RASAL3: variants seen among roughly 807,000 people sequenced by gnomAD.
RASAL3 encodes RAS protein activator like 3.
RASAL3 carries 74 observed loss-of-function variants against 105.5 expected under a neutral mutation model. The observed-to-expected ratio is 0.70, with a 90% CI of 0.58 to 0.85. RASAL3 has a LOEUF of 0.85. Ranked by LOEUF, RASAL3 falls within the 40% of genes least tolerant of loss-of-function variation. The pLI is 0.00. For synonymous variants in RASAL3, 579 were observed against 591.6 expected (o/e 0.98, Z 0.31); for missense variants, 1,352 against 1,392.0 (o/e 0.97, Z 0.46).
At chr19:15,458,472 A>G (rs757145296) in intron 7 of RASAL3, 46 bp from the exon 8 acceptor site, 6 of 1,613,622 alleles carry the variant, frequency 3.7e-6, no homozygotes, top group Non-Finnish European at 5.1e-6. Context: ...CCAAGGGTGA[A>G]GCCAAAGGGT....
At position 15,457,437 on chromosome 19, in the gene RASAL3, G is replaced by A; in HGVS notation, c.1286C>T (p.Ser429Phe). The A allele has an allele frequency of 1.4e-6, 2 of 1,427,308 alleles. No homozygotes were observed. Among genetic ancestry groups the A allele is most frequent in the East Asian group, 3.4e-5 (1 of 29,800 alleles). The allele number at this position is 1,427,308 out of a possible 1,614,324, so 88.4% of individuals were successfully genotyped here. A position where few individuals can be genotyped will look rare whatever the true frequency, so the allele number is the denominator to read the frequency against. Residue 429 changes from serine (S) to phenylalanine (F), a missense_variant, in exon 9 of 18, where the codon TCC becomes TTC. Ser to Phe is a radical substitution (Grantham distance 155). Around this residue, in one of 3 missense-constraint regions of RASAL3, gnomAD observed 920 missense variants for 919.6 expected, o/e 1.00. Transcript: ENST00000343625. The surrounding 1 kb of genome is among the most constrained non-coding windows in gnomAD (Gnocchi z 8.6). ...CTCCGCCAGCTCCTTGTAGCGCTCG[G>A]ACGGCAGCACGCGCAGGCGACGCGC... ...IRARRLRVLP[S>F]ERYKELAEFL... is the part of the protein sequence containing the mutation.
At chr19:15,461,709 C>A in intron 2 of RASAL3, 102 bp from the exon 3 acceptor site, 1 of 1,401,744 alleles carries the variant, frequency 7.1e-7, no homozygotes, top group Non-Finnish European at 9.3e-7. Context: ...CTCCTAGGTG[C>A]CCCCCACCCC....
chr19:15,455,041 C>G (rs918664793), intron 11 of RASAL3, 148 bp from the exon 12 acceptor site: 7 of 639,806 alleles, frequency 1.1e-5, no homozygotes, highest in Non-Finnish European at 1.3e-5. Flanking sequence ...GCTTCCTTCT[C>G]ACTGAACCTG....
chr19:15,452,205 A>C, intron 16 of RASAL3, 97 bp from the exon 17 acceptor site: 4 of 1,239,354 alleles, frequency 3.2e-6, no homozygotes, highest in Non-Finnish European at 4.7e-6. Flanking sequence ...CGGAGCTTGG[A>C]GTGGAGGCGG....
In RASAL3 at chr19:15,457,941, G is replaced by A. The variant is rs909537803; in HGVS notation, c.889-107C>T. ...TCAAACCTGTTGCGTCGGGTCCCTAGGGAGATTGCTGGGCCTTTGGGGAAA... is the reference window on the plus strand; with the variant it reads ...TCAAACCTGTTGCGTCGGGTCCCTAAGGAGATTGCTGGGCCTTTGGGGAAA... On this transcript the variant is annotated intron_variant, in intron 8 of 17. Coordinates refer to ENST00000343625, the MANE Select transcript of RASAL3 (RefSeq NM_022904.3). The surrounding 1 kb of genome is among the most constrained non-coding windows in gnomAD (Gnocchi z 8.6). The A allele has an allele frequency of 3.3e-5, 43 of 1,309,808 alleles. No homozygotes were observed. In the South Asian group the frequency reaches 5.2e-4, roughly 16 times the overall value. The allele number at this position is 1,309,808 out of a possible 1,614,324, so 81.1% of individuals were successfully genotyped here.
rs768635872 is a variant in RASAL3 at position 15,454,481 on chromosome 19, G to A, written c.2040C>T (p.Asp680=). The change falls in exon 13 of 18, where the codon GAC becomes GAT. Residue 680 remains aspartate, a synonymous_variant. Transcript: ENST00000343625. ...CATCCACATCCACCATGGCTACCTG[G>A]TCCAGGAAGCATTGCATGGCTGGTC... ...EHGPAMQCFL[D]QVAMVDVDAA... is the part of the protein sequence containing the mutation. 1.9e-6 allele frequency: 3 copies of A among 1,613,992 alleles called. No individual in the cohort carries two copies. Among genetic ancestry groups the A allele is most frequent in the Non-Finnish European group, 2.5e-6 (3 of 1,179,878 alleles).
intron 5 of RASAL3, among the ~76,000 whole-genome samples, chr19:15,460,790 C>A (rs1472186152): frequency 1.3e-5 from 2 of 152,124 alleles, no homozygotes; most frequent in African/African-American, 4.8e-5. Context: ...GAACTCCTGG[C>A]CTCAAGCAGT....
At position 15,464,142 on chromosome 19, in the gene RASAL3, C is replaced by T; in HGVS notation, c.217G>A (p.Ala73Thr). The T allele has an allele frequency of 1.2e-6, 2 of 1,613,576 alleles. No individual in the cohort carries two copies. Among genetic ancestry groups the T allele is most frequent in the Non-Finnish European group, 1.7e-6 (2 of 1,179,832 alleles). Residue 73 changes from alanine (A) to threonine (T), a missense_variant, in exon 2 of 18, where the codon GCG becomes ACG. This residue lies in a region of RASAL3 where 344 missense variants were observed against 339.6 expected (regional missense o/e 1.01). Coordinates refer to ENST00000343625, the MANE Select transcript of RASAL3 (RefSeq NM_022904.3). ...PRSIFRRVLS[A>T]PPKESRTSRL... Reference sequence around the variant, plus strand: ...CTGGTCCGTGACTCCTTGGGAGGCGCAGATAGGACCCGACGGAATATCGAG... The same window carrying T: ...CTGGTCCGTGACTCCTTGGGAGGCGTAGATAGGACCCGACGGAATATCGAG...
Position 15,459,239 on chromosome 19 carries a change from C to CTATTTATT in RASAL3, c.663-592_663-585dup, listed in dbSNP as rs34335057. Among the ~76,000 whole-genome samples, 1,222 of 144,636 alleles carry CTATTTATT rather than the reference C, an allele frequency of 8.4e-3. 9 individuals are homozygous for CTATTTATT. Among genetic ancestry groups the CTATTTATT allele is most frequent in the Non-Finnish European group, 0.012 (794 of 66,622 alleles). The allele number at this position is 144,636 out of a possible 152,430, so 94.9% of individuals were successfully genotyped here. Reference sequence around the variant, plus strand: ...CAGGTGTGAGCCACCGTGCCCAGCCCTATTTATTTATTTATTTATTTATTG... The same window carrying CTATTTATT: ...CAGGTGTGAGCCACCGTGCCCAGCCCTATTTATTTATTTATTTATTTATTTATTTATTG... On this transcript the variant is annotated intron_variant, in intron 6 of 17. Coordinates refer to ENST00000343625, the MANE Select transcript of RASAL3 (RefSeq NM_022904.3).
At chr19:15,463,097 T>C (rs1456266745) in intron 2 of RASAL3, among the ~76,000 whole-genome samples, 1 of 150,820 alleles carries the variant, frequency 6.6e-6, no homozygotes, top group African/African-American at 2.4e-5. Context: ...TTTTTTTTTC[T>C]TCCATTGAGA....
Position 15,456,682 on chromosome 19 carries a change from A to C in RASAL3, c.1432-36T>G. 6.2e-7 allele frequency: 1 copy of C among 1,601,512 alleles called. No homozygotes were observed. The highest frequency in any genetic ancestry group is 8.5e-7 in the Non-Finnish European group (1 of 1,176,504). On this transcript the variant is annotated intron_variant, in intron 9 of 17. Transcript: ENST00000343625. This position sits in a 1 kb window ranked among gnomAD's most constrained non-coding sequence, Gnocchi z 4.4. ...CAGGAGGTCAGGTTGCACCAGATGC[A>C]GACAGAGTCCAAGGGAATTCGGATC...
Position 15,454,673 on chromosome 19 carries a change from G to C in RASAL3, c.1942C>G (p.Leu648Val), listed in dbSNP as rs754435241. ...AGCACCTACGGGGCACGGTTGGCGA[G>C]GTTCTGGATGACCTTGGCAATCAGT... ...LTLIAKVIQNLANRAPFGEKE... is the reference protein window; with the variant it reads ...LTLIAKVIQNVANRAPFGEKE... Residue 648 changes from leucine to valine, a missense_variant, in exon 12 of 18, where the codon CTC becomes GTC. This residue lies in a region of RASAL3 where 920 missense variants were observed against 919.6 expected (regional missense o/e 1.00). Coordinates refer to ENST00000343625, the MANE Select transcript of RASAL3 (RefSeq NM_022904.3). 2.1e-5 allele frequency: 34 copies of C among 1,609,306 alleles called. 1 individual carries two copies. The South Asian group carries it at 3.7e-4, about 18-fold the overall frequency.
At position 15,457,395 on chromosome 19, in the gene RASAL3, T is replaced by G; in HGVS notation, c.1328A>C (p.Tyr443Ser). Residue 443 changes from tyrosine (Y) to serine (S), a missense_variant, in exon 9 of 18, where the codon TAT becomes TCT. This residue lies in a region of RASAL3 where 920 missense variants were observed against 919.6 expected (regional missense o/e 1.00). Transcript: ENST00000343625. The surrounding 1 kb of genome is among the most constrained non-coding windows in gnomAD (Gnocchi z 8.6). ...CTCCAGGGCCCCGCAGAGGCGCGCATAGTGGAAGGTGAGGAACTCCGCCAG... is the reference window on the plus strand; with the variant it reads ...CTCCAGGGCCCCGCAGAGGCGCGCAGAGTGGAAGGTGAGGAACTCCGCCAG... The part of the protein sequence containing the change: ...KELAEFLTFH[Y>S]ARLCGALEPA... The G allele has an allele frequency of 1.4e-6, 2 of 1,448,976 alleles. No individual in the cohort carries two copies. Among genetic ancestry groups the G allele is most frequent in the East Asian group, 6.3e-5 (2 of 31,618 alleles). 89.8% of individuals were successfully genotyped at this position (1,448,976 alleles called of 1,614,324 possible).
chr19:15,458,678 C>T (rs754112961), intron 6 of RASAL3, 23 bp from the exon 7 acceptor site: 8 of 1,607,450 alleles, frequency 5.0e-6, no homozygotes, highest in Middle Eastern at 1.6e-4. Flanking sequence ...TGGGTGAGCA[C>T]ACCGTCATTC....
chr19:15,457,695 C>G lies in RASAL3; in HGVS notation c.1028G>C (p.Arg343Pro). 6.8e-7 allele frequency: 1 copy of G among 1,462,424 alleles called. No individual in the cohort carries two copies. The highest frequency in any genetic ancestry group is 9.0e-7 in the Non-Finnish European group (1 of 1,110,008). The allele number at this position is 1,462,424 out of a possible 1,614,324, so 90.6% of individuals were successfully genotyped here. A position where few individuals can be genotyped will look rare whatever the true frequency, so the allele number is the denominator to read the frequency against. ...CCAGAAGAGCTGGCCTGGGCCGGCC[C>G]GAGGCGCCGTGCGTGCCAGCAGCGC... Reference protein sequence around the residue: ...DGALLARTAPRAGPGQLFWAE... With the variant: ...DGALLARTAPPAGPGQLFWAE... Residue 343 changes from arginine (R) to proline (P), a missense_variant, in exon 9 of 18, where the codon CGG (arginine) becomes CCG (proline). This residue lies in a region of RASAL3 where 88 missense variants were observed against 132.7 expected (regional missense o/e 0.66). Coordinates refer to ENST00000343625, the MANE Select transcript of RASAL3 (RefSeq NM_022904.3). This position sits in a 1 kb window ranked among gnomAD's most constrained non-coding sequence, Gnocchi z 8.6.
chr19:15,453,264 G>T lies in RASAL3; in HGVS notation c.2513C>A (p.Pro838His). The T allele has an allele frequency of 6.4e-7, 1 of 1,565,666 alleles. No homozygotes were observed. The highest frequency in any genetic ancestry group is 8.6e-7 in the Non-Finnish European group (1 of 1,158,240). Reference sequence around the variant, plus strand: ...TGGTCCCATGCTCAGGGAGCCTTTGGGTCGCGGCCAGGGCCCCGCAGATTG... The same window carrying T: ...TGGTCCCATGCTCAGGGAGCCTTTGTGTCGCGGCCAGGGCCCCGCAGATTG... ...RRQSAGPWPRPKGSLSMGPAP... is the reference protein window; with the variant it reads ...RRQSAGPWPRHKGSLSMGPAP... Residue 838 changes from proline to histidine, a missense_variant, in exon 15 of 18, where the codon CCC (proline) becomes CAC (histidine). Physicochemically the swap from Pro to His is moderately conservative, Grantham distance 77 (BLOSUM62 -2). Coordinates refer to ENST00000343625, the MANE Select transcript of RASAL3 (RefSeq NM_022904.3). The surrounding 1 kb of genome is among the most constrained non-coding windows in gnomAD (Gnocchi z 4.2).
rs1599742137 is a variant in RASAL3, at chr19:15,457,648, C to T, written c.1075G>A (p.Ala359Thr). 1 of 1,424,444 alleles carries T rather than the reference C, an allele frequency of 7.0e-7. No individual in the cohort carries two copies. The highest frequency in any genetic ancestry group is 9.2e-7 in the Non-Finnish European group (1 of 1,089,284). 88.2% of individuals were successfully genotyped at this position (1,424,444 alleles called of 1,614,324 possible). ...GACAGGCGACGTGCCGGTGGCAGCG[C>T]CTCGAAGTGGAAGCGCTCGGCCCAG... ...LFWAERFHFE[A>T]LPPARRLSLR... The change falls in exon 9 of 18, where the codon GCG becomes ACG. Residue 359 changes from alanine to threonine, a missense_variant. This residue lies in a region of RASAL3 where 920 missense variants were observed against 919.6 expected (regional missense o/e 1.00). Coordinates refer to ENST00000343625, the MANE Select transcript of RASAL3 (RefSeq NM_022904.3). This position sits in a 1 kb window ranked among gnomAD's most constrained non-coding sequence, Gnocchi z 8.6.
rs1970235589 is a variant in RASAL3 at position 15,453,860 on chromosome 19, G to T, written c.2279+289C>A. Among the ~76,000 whole-genome samples the T allele has an allele frequency of 6.6e-6, 1 of 151,780 alleles. No homozygotes were observed. The highest frequency in any genetic ancestry group is 2.4e-5 in the African/African-American group (1 of 41,286). ...GATCCTCCTGCCTCAGCCTCCCAAA[G>T]TGCTGGGATTACAGGCATGAGCCAC... On this transcript the variant is annotated intron_variant, in intron 14 of 17. Transcript: ENST00000343625. The surrounding 1 kb of genome is among the most constrained non-coding windows in gnomAD (Gnocchi z 4.2).
chr19:15,451,669 G>T lies in RASAL3; in HGVS notation c.*126C>A. The T allele has an allele frequency of 1.0e-6, 1 of 991,506 alleles. No individual in the cohort carries two copies. Among genetic ancestry groups the T allele is most frequent in the Non-Finnish European group, 1.5e-6 (1 of 682,006 alleles). 61.4% of individuals were successfully genotyped at this position (991,506 alleles called of 1,614,324 possible). On this transcript the variant is annotated 3_prime_UTR_variant, in exon 18 of 18. Coordinates refer to ENST00000343625, the MANE Select transcript of RASAL3 (RefSeq NM_022904.3). ...TACTGGGCAACTTCATACTGCCAGA[G>T]TGGTTGGGACCAGCAGCTCCACTCC...
Sources: allele counts gnomAD v4.1 joint callset (sites outside exome capture counted in the v4.1 genomes callset), GRCh38; gene constraint gnomAD v4.1.1; regional missense constraint gnomAD v4.1.1; non-coding constraint Gnocchi (gnomAD v3.1); transcripts MANE v1.5; gene names NCBI Gene and HGNC (gene_info 2026-07-23, HGNC 2026-07-21).